The following SDK1 variants were observed in gnomAD, a reference collection of about 807,000 sequenced individuals.
SDK1 encodes the protein protein sidekick-1.
SDK1 carries 157 observed loss-of-function variants against 245.5 expected under a neutral mutation model. The observed-to-expected ratio is 0.64, with a 90% CI of 0.56 to 0.73. The LOEUF is 0.73. SDK1 is among the 30% of genes least tolerant of loss of function. The pLI, the probability that SDK1 is intolerant of heterozygous loss-of-function variation, is 0.00. For missense variants in SDK1, 3,583 were observed against 3,002.3 expected, an observed-to-expected ratio of 1.19 and a Z score of -4.52; for synonymous variants, 1,647 against 1,278.5, an observed-to-expected ratio of 1.29 and a Z score of -6.15.
intron 19 of SDK1, among the ~76,000 whole-genome samples, chr7:4,057,032 C>G (rs983524962): frequency 2.0e-5 from 3 of 152,170 alleles, no homozygotes; most frequent in African/African-American, 7.2e-5. Context: ...CATTTTCACT[C>G]ATCTTGAGGA....
chr7:3,946,750 C>T (rs915082892), intron 5 of SDK1, among the ~76,000 whole-genome samples: 11 of 152,054 alleles, frequency 7.2e-5, no homozygotes, highest in African/African-American at 2.2e-4. Flanking sequence ...CAGGTGTTAC[C>T]CAAGAATGCA....
chr7:3,669,722 C>A (rs1182352629), intron 4 of SDK1, among the ~76,000 whole-genome samples: 1 of 152,200 alleles, frequency 6.6e-6, no homozygotes, highest in Admixed American at 6.5e-5. Context: ...ATAGCACTTG[C>A]AGATGACTCA....
At chr7:4,236,331 G>A (rs917438401) in intron 41 of SDK1, among the ~76,000 whole-genome samples, 2 of 152,160 alleles carry the variant, frequency 1.3e-5, no homozygotes, top group East Asian at 1.9e-4. Context: ...ACAATTTCCC[G>A]CTTTTCTGTT....
chr7:3,328,786 C>G (rs913351176), intron 1 of SDK1, among the ~76,000 whole-genome samples: 6 of 152,080 alleles, frequency 3.9e-5, no homozygotes, highest in Admixed American at 2.0e-4. Context: ...CTGAAGTATT[C>G]CACATGGACT....
chr7:4,111,026 G>T (rs1783305106), intron 23 of SDK1, among the ~76,000 whole-genome samples: 1 of 152,062 alleles, frequency 6.6e-6, no homozygotes, highest in Non-Finnish European at 1.5e-5. Flanking sequence ...CCATAGAAAT[G>T]GCCCACTGTT....
At chr7:4,015,973 A>G (rs376142704) in intron 16 of SDK1, among the ~76,000 whole-genome samples, 1 of 152,134 alleles carries the variant, frequency 6.6e-6, no homozygotes, top group South Asian at 2.1e-4. Context: ...TCCTCACTTC[A>G]TTTTCAAGCC....
At chr7:3,877,865 C>T (rs774640984) in intron 5 of SDK1, among the ~76,000 whole-genome samples, 3 of 152,210 alleles carry the variant, frequency 2.0e-5, no homozygotes, top group Non-Finnish European at 4.4e-5. Flanking sequence ...TGTATTTAGC[C>T]ATCAATGGAA....
chr7:4,212,610 G>A (rs956788554), intron 38 of SDK1, among the ~76,000 whole-genome samples: 9 of 152,306 alleles, frequency 5.9e-5, no homozygotes, highest in African/African-American at 2.2e-4. Flanking sequence ...CAGGGGGCCT[G>A]GACGAGGCTG....
At chr7:3,440,214 A>G (rs1010530887) in intron 1 of SDK1, among the ~76,000 whole-genome samples, 3 of 152,198 alleles carry the variant, frequency 2.0e-5, no homozygotes, top group African/African-American at 7.2e-5. Flanking sequence ...ATTCCAGAGA[A>G]CAAAGGAAGG....
chr7:3,419,719 T>C (rs1048623637), intron 1 of SDK1, among the ~76,000 whole-genome samples: 1 of 152,180 alleles, frequency 6.6e-6, no homozygotes, highest in African/African-American at 2.4e-5. Context: ...TAATCTGTTT[T>C]TAGGTTGAGA....
At chr7:3,774,467 C>T (rs1002996855) in intron 4 of SDK1, among the ~76,000 whole-genome samples, 1 of 152,226 alleles carries the variant, frequency 6.6e-6, no homozygotes, top group Non-Finnish European at 1.5e-5. Context: ...ATGTGCACAG[C>T]TGCCTGCCAT....
At chr7:3,998,108 C>T (rs1228208509) in intron 14 of SDK1, among the ~76,000 whole-genome samples, 4 of 152,226 alleles carry the variant, frequency 2.6e-5, no homozygotes, top group Non-Finnish European at 4.4e-5. Context: ...TCTGCAGCCA[C>T]GACTTGGGCA....
At chr7:3,451,331 T>C (rs1402443801) in intron 1 of SDK1, among the ~76,000 whole-genome samples, 1 of 152,044 alleles carries the variant, frequency 6.6e-6, no homozygotes, top group Non-Finnish European at 1.5e-5. Flanking sequence ...GTTTTAGGAT[T>C]TAAGGCACAG....
chr7:3,806,362 G>C (rs762020112), intron 4 of SDK1, among the ~76,000 whole-genome samples: 6 of 117,522 alleles, frequency 5.1e-5, no homozygotes, highest in Non-Finnish European at 9.7e-5. Context: ...GTCCACATTA[G>C]GATGTGGATG....
intron 4 of SDK1, among the ~76,000 whole-genome samples, chr7:3,752,840 A>G (rs1779813248): frequency 6.6e-6 from 1 of 152,232 alleles, no homozygotes; most frequent in Non-Finnish European, 1.5e-5. Flanking sequence ...TATATAGTAT[A>G]GTAGTATCTC....
chr7:3,672,767 A>ACATATATATATATATATATATG (rs1218001756), intron 4 of SDK1, among the ~76,000 whole-genome samples: 3 of 83,386 alleles, frequency 3.6e-5, no homozygotes, highest in African/African-American at 1.3e-4. Context: ...TTTTATATAT[A>ACATATATATATATATATATATG]TATATATATA....
At chr7:3,355,491 T>C (rs1780765737) in intron 1 of SDK1, among the ~76,000 whole-genome samples, 1 of 152,184 alleles carries the variant, frequency 6.6e-6, no homozygotes, top group Non-Finnish European at 1.5e-5. Context: ...GGCTGCCATT[T>C]GTAAATTTAA....
intron 1 of SDK1, among the ~76,000 whole-genome samples, chr7:3,471,649 A>G (rs916487054): frequency 2.6e-5 from 4 of 152,182 alleles, no homozygotes; most frequent in Non-Finnish European, 5.9e-5. Flanking sequence ...AGTGTTGTCA[A>G]CTTCAGATCC....
intron 7 of SDK1, chr7:3,958,047 C>T (rs1781403691): frequency 2.1e-6 from 1 of 469,970 alleles, no homozygotes; most frequent in Admixed American, 2.4e-5. Context: ...TAGGTCCCAC[C>T]TTGTTTTAAA....
Sources: allele counts gnomAD v4.1 joint callset (sites outside exome capture counted in the v4.1 genomes callset), GRCh38; gene constraint gnomAD v4.1.1; transcripts MANE v1.5; gene names NCBI Gene and HGNC (gene_info 2026-07-23, HGNC 2026-07-21).